CACNB2: variants seen among roughly 807,000 people sequenced by gnomAD.
CACNB2 encodes the protein calcium voltage-gated channel auxiliary subunit beta 2, also known as voltage-dependent L-type calcium channel subunit beta-2.
A neutral mutation model predicts 73.3 loss-of-function variants in CACNB2; 42 were observed. The ratio of observed to expected loss-of-function variants is 0.57; its 90% CI spans 0.45 to 0.74. The LOEUF (loss-of-function observed/expected upper bound fraction) is 0.74, where lower values mean the gene tolerates loss of function less well. Among genes scored for constraint, CACNB2 ranks in the 30% least tolerant of loss-of-function variants. The pLI is 0.00. For missense variants in CACNB2, 940 were observed against 853.0 expected (o/e 1.10, Z -1.27); for synonymous variants, 348 against 310.3 (o/e 1.12, Z -1.28).
chr10:18,410,490 G>A (rs549177882), intron 3 of CACNB2, among the ~76,000 whole-genome samples: 2 of 150,868 alleles, frequency 1.3e-5, no homozygotes, highest in South Asian at 4.2e-4. Context: ...CGTCCCATCA[G>A]CCTGAAGATA....
intron 10 of CACNB2, among the ~76,000 whole-genome samples, chr10:18,528,125 A>G (rs554492167): frequency 1.3e-5 from 2 of 152,372 alleles, no homozygotes; most frequent in African/African-American, 2.4e-5. Flanking sequence ...ATCCATTATT[A>G]TCCTAAATAT....
chr10:18,390,421 C>T (rs2043417173), intron 2 of CACNB2, among the ~76,000 whole-genome samples: 1 of 152,184 alleles, frequency 6.6e-6, no homozygotes, highest in Non-Finnish European at 1.5e-5. Context: ...ACCATATTGG[C>T]CAGGCTGGTC....
chr10:18,244,456 A>G (rs943879131), intron 2 of CACNB2, among the ~76,000 whole-genome samples: 4 of 152,228 alleles, frequency 2.6e-5, no homozygotes, highest in Non-Finnish European at 5.9e-5. Context: ...ACAGTCTCTC[A>G]TAAAAAAATT....
intron 7 of CACNB2, among the ~76,000 whole-genome samples, chr10:18,514,693 T>A (rs1716456748): frequency 6.6e-6 from 1 of 152,228 alleles, no homozygotes; most frequent in African/African-American, 2.4e-5. Context: ...GGGAGTGACC[T>A]GTTAAAACAC....
At chr10:18,436,323 C>T (rs1342671183) in intron 3 of CACNB2, among the ~76,000 whole-genome samples, 1 of 152,128 alleles carries the variant, frequency 6.6e-6, no homozygotes, top group Non-Finnish European at 1.5e-5. Context: ...TTTGCTAACC[C>T]AGAAATTTTG....
At chr10:18,486,560 G>C (rs1189519865) in intron 3 of CACNB2, among the ~76,000 whole-genome samples, 2 of 152,196 alleles carry the variant, frequency 1.3e-5, no homozygotes, top group Non-Finnish European at 2.9e-5. Context: ...CTTTGGATGT[G>C]AGAAAAAGCA....
chr10:18,291,034 C>G (rs1053704505), intron 2 of CACNB2, among the ~76,000 whole-genome samples: 3 of 152,194 alleles, frequency 2.0e-5, no homozygotes, highest in Admixed American at 6.5e-5. Context: ...TGTTAGGATA[C>G]CAGCCTTTCA....
intron 2 of CACNB2, among the ~76,000 whole-genome samples, chr10:18,269,741 C>A (rs1178376650): frequency 6.6e-6 from 1 of 152,174 alleles, no homozygotes; most frequent in Non-Finnish European, 1.5e-5. Context: ...TCCTTGCGGT[C>A]CTGTTCCTCC....
intron 2 of CACNB2, among the ~76,000 whole-genome samples, chr10:18,221,854 T>C (rs2035805719): frequency 6.6e-6 from 1 of 152,246 alleles, no homozygotes; most frequent in Non-Finnish European, 1.5e-5. Flanking sequence ...GAAGGCATTT[T>C]GTGTTCTGTC....
intron 2 of CACNB2, among the ~76,000 whole-genome samples, chr10:18,281,913 G>A (rs1045827009): frequency 2.0e-5 from 3 of 147,338 alleles, no homozygotes; most frequent in African/African-American, 7.5e-5. Flanking sequence ...TCAGGAGCTG[G>A]AGGTTGCAGT....
intron 2 of CACNB2, among the ~76,000 whole-genome samples, chr10:18,274,802 C>T (rs1298228403): frequency 6.6e-6 from 1 of 152,072 alleles, no homozygotes; most frequent in Non-Finnish European, 1.5e-5. Flanking sequence ...ACCAAAAAAA[C>T]ACTTAAAATT....
intron 2 of CACNB2, chr10:18,260,496 T>C (rs1324311186): frequency 1.3e-5 from 13 of 985,404 alleles, no homozygotes; most frequent in Non-Finnish European, 2.4e-6. Context: ...AGTCAGGTCC[T>C]GAGGCCACTC....
intron 3 of CACNB2, among the ~76,000 whole-genome samples, chr10:18,489,059 A>G (rs2049250292): frequency 6.6e-6 from 1 of 151,966 alleles, no homozygotes; most frequent in Non-Finnish European, 1.5e-5. Flanking sequence ...CACACTTATA[A>G]TCCCAGCACT....
At position 18,259,758 on chromosome 10, in the gene CACNB2, G is replaced by T. The variant is rs534969292; in HGVS notation, c.213+108783G>T. Among the ~76,000 whole-genome samples the T allele has an allele frequency of 4.3e-3, 642 of 148,096 alleles. 4 individuals carry two copies. The highest frequency in any genetic ancestry group is 0.015 in the African/African-American group (586 of 40,238). The stretch of plus-strand genomic sequence containing the variant: ...AAAAAAAAAAAAAAAAAAAAATTAA[G>T]CAGGTGTGGTGGCATGCACCTACAA... On this transcript the variant is annotated intron_variant, in intron 2 of 13. Transcript: ENST00000324631.
At chr10:18,235,890 G>C (rs887129456) in intron 2 of CACNB2, among the ~76,000 whole-genome samples, 5 of 152,160 alleles carry the variant, frequency 3.3e-5, no homozygotes, top group African/African-American at 7.2e-5. Context: ...CGTAGGGGCA[G>C]ATTTCCCCCT....
chr10:18,442,686 G>A (rs1025545422), intron 3 of CACNB2, among the ~76,000 whole-genome samples: 29 of 150,790 alleles, frequency 1.9e-4, no homozygotes, highest in South Asian at 8.5e-4. Context: ...TTAGCTGGGC[G>A]TGGTGGCACG....
intron 3 of CACNB2, among the ~76,000 whole-genome samples, chr10:18,446,876 G>A (rs2132574731): frequency 1.3e-5 from 2 of 152,154 alleles, no homozygotes; most frequent in Admixed American, 1.3e-4. Context: ...ACCATTTTGG[G>A]CAATACAGTG....
At chr10:18,212,599 A>T (rs995788108) in intron 2 of CACNB2, among the ~76,000 whole-genome samples, 3 of 152,032 alleles carry the variant, frequency 2.0e-5, no homozygotes, top group African/African-American at 7.2e-5. Context: ...ATATTTTTTT[A>T]AATGTTTGCT....
Position 18,224,902 on chromosome 10 carries a change from G to T in CACNB2, c.213+73927G>T, listed in dbSNP as rs114821106. ...CCTCCTCCCTGCTACATCCTGACAG[G>T]CACATTCATCTATACCTCAGCCTGT... On this transcript the variant is annotated intron_variant, in intron 2 of 13. Coordinates refer to ENST00000324631, the MANE Select transcript of CACNB2 (RefSeq NM_201596.3). Among the ~76,000 whole-genome samples the T allele has an allele frequency of 3.5e-3, 539 of 152,288 alleles. 1 individual carries two copies. The highest frequency in any genetic ancestry group is 0.012 in the African/African-American group (517 of 41,562).
Sources: gnomAD v4.1 joint callset for allele counts (sites outside exome capture counted in the v4.1 genomes callset) on GRCh38, gnomAD v4.1.1 for gene constraint, MANE v1.5 for transcripts, NCBI Gene and HGNC (gene_info 2026-07-23, HGNC 2026-07-21) for gene names.